CASKIN1: variants seen among roughly 807,000 people sequenced by gnomAD.
The protein encoded by CASKIN1 is CASK interacting protein 1.
Under a neutral mutation model 117.5 loss-of-function variants are expected in CASKIN1, and 42 were observed. The ratio of observed to expected loss-of-function variants is 0.36; its 90% CI spans 0.28 to 0.46. The LOEUF is 0.46. Among genes scored for constraint, CASKIN1 ranks in the 20% least tolerant of loss-of-function variants. The probability of loss-of-function intolerance (pLI) is 1.00; values close to 1 mark genes in which losing one functional copy is unlikely to be tolerated. For synonymous variants in CASKIN1, 1,148 were observed against 961.7 expected, an observed-to-expected ratio of 1.19 and a Z score of -3.59; for missense variants, 2,083 against 2,077.3, an observed-to-expected ratio of 1.00 and a Z score of -0.05.
In CASKIN1 at chr16:2,179,812, C is replaced by T. The variant is rs748133481; in HGVS notation, c.3556G>A (p.Ala1186Thr). ...GGTGGAGGCAGCTCCGGAGGCCCAG[C>T]CTGCTCCGAGGCCGGTCGGCGGCGC... ...TVRRRPASEQ[A>T]GPPELPPPPP... Residue 1186 changes from alanine (A) to threonine (T), a missense_variant, in exon 18 of 20, where the codon GCT (alanine) becomes ACT (threonine). Physicochemically the swap from Ala to Thr is moderately conservative, Grantham distance 58. Around this residue, in one of 3 missense-constraint regions of CASKIN1, gnomAD observed 1,818 missense variants for 1,688.9 expected, o/e 1.08. Transcript: ENST00000343516. The surrounding 1 kb of genome is among the most constrained non-coding windows in gnomAD (Gnocchi z 5.8). 1.3e-6 allele frequency: 2 copies of T among 1,584,992 alleles called. No homozygotes were observed. The highest frequency in any genetic ancestry group is 8.6e-7 in the Non-Finnish European group (1 of 1,168,516).
At chr16:2,190,616 G>A (rs1201113453) in intron 1 of CASKIN1, among the ~76,000 whole-genome samples, 2 of 152,196 alleles carry the variant, frequency 1.3e-5, no homozygotes, top group African/African-American at 2.4e-5. Context: ...CTCCGGCCTG[G>A]AGTCCTTGTC....
chr16:2,177,288 G>A lies in CASKIN1; in HGVS notation c.*1262C>T, dbSNP rs575632771. On this transcript the variant is annotated 3_prime_UTR_variant, in exon 20 of 20. Transcript: ENST00000343516. ...CGCCCTCTGAGGAGAGGCCTGGGGG[G>A]ACAGCTGGGCACGTCCACTCGCAGG... 188 of 236,648 alleles carry A rather than the reference G, an allele frequency of 7.9e-4. 2 individuals are homozygous for A. The Admixed American group carries it at 9.7e-3, about 12-fold the overall frequency. The allele number at this position is 236,648 out of a possible 1,614,324, so 14.7% of individuals were successfully genotyped here. A position where few individuals can be genotyped will look rare whatever the true frequency, so the allele number is the denominator to read the frequency against.
intron 1 of CASKIN1, among the ~76,000 whole-genome samples, chr16:2,193,237 G>C (rs1198580270): frequency 6.6e-6 from 1 of 152,104 alleles, no homozygotes; most frequent in East Asian, 1.9e-4. Context: ...GGCTGGTCTC[G>C]AACTCCCGAC....
intron 1 of CASKIN1, among the ~76,000 whole-genome samples, chr16:2,194,218 CT>C (rs1487627642): frequency 1.3e-5 from 2 of 152,120 alleles, no homozygotes; most frequent in Non-Finnish European, 2.9e-5. Flanking sequence ...ATTCTTGGGC[CT>C]GCCTCCATGG....
intron 1 of CASKIN1, among the ~76,000 whole-genome samples, chr16:2,194,917 G>A (rs918465172): frequency 6.6e-6 from 1 of 152,230 alleles, no homozygotes; most frequent in Non-Finnish European, 1.5e-5. Context: ...GAATGCCTGG[G>A]CTGCAAGTGC....
chr16:2,178,803 G>A (rs1181030719), intron 19 of CASKIN1, 99 bp downstream of exon 19: 4 of 1,192,960 alleles, frequency 3.4e-6, no homozygotes, highest in Non-Finnish European at 4.2e-6. Context: ...TCTCTGCCGA[G>A]CCCCGCCCAT....
rs114147712 is a variant in CASKIN1, at chr16:2,191,722, A to G, written c.95-1364T>C. Among the ~76,000 whole-genome samples the G allele has an allele frequency of 5.3e-3, 805 of 152,316 alleles. 9 individuals carry two copies. Among genetic ancestry groups the G allele is most frequent in the African/African-American group, 0.018 (768 of 41,552 alleles). Reference sequence around the variant, plus strand: ...CCAGTGTCCCTCTTGGTTAGTGGCAATGCCATCCTTCCTGACCATGGCCCA... The same window carrying G: ...CCAGTGTCCCTCTTGGTTAGTGGCAGTGCCATCCTTCCTGACCATGGCCCA... On this transcript the variant is annotated intron_variant, in intron 1 of 19. Transcript: ENST00000343516.
chr16:2,180,137 G>A lies in CASKIN1; in HGVS notation c.3231C>T (p.Ala1077=). Residue 1077 remains alanine, a synonymous_variant, in exon 18 of 20, where the codon GCC becomes GCT. Coordinates refer to ENST00000343516, the MANE Select transcript of CASKIN1 (RefSeq NM_020764.4). ...SGPVTGLLAT[A]RRGPGESADP... ...CTGCCGACTCCCCAGGCCCCCGGCG[G>A]GCAGTGGCCAGAAGTCCGGTGACTG... The A allele has an allele frequency of 6.4e-7, 1 of 1,555,346 alleles. No individual in the cohort carries two copies.
rs2093165282 is a variant in CASKIN1, at chr16:2,180,853, G to A, written c.2515C>T (p.Pro839Ser). The part of the protein sequence containing the change: ...HRGFAYVLPQ[P>S]VEGEVGPAAP... ...GCCGGCCCCACCTCGCCCTCCACGGGCTGGGGCAGCACGTAGGCAAAGCCG... is the reference window on the plus strand; with the variant it reads ...GCCGGCCCCACCTCGCCCTCCACGGACTGGGGCAGCACGTAGGCAAAGCCG... Residue 839 changes from proline (P) to serine (S), a missense_variant, in exon 18 of 20, where the codon CCC (proline) becomes TCC (serine). Coordinates refer to ENST00000343516, the MANE Select transcript of CASKIN1 (RefSeq NM_020764.4). 5.0e-6 allele frequency: 7 copies of A among 1,405,310 alleles called. No individual in the cohort carries two copies. The highest frequency in any genetic ancestry group is 6.4e-6 in the Non-Finnish European group (7 of 1,087,372). 87.1% of individuals were successfully genotyped at this position (1,405,310 alleles called of 1,614,324 possible).
chr16:2,186,777 G>A lies in CASKIN1; in HGVS notation c.978C>T (p.Asp326=). ...PDGRWKGCIH[D]NRTGNDRVGY... ...CCACCCGGTCATTGCCCGTCCGGTT[G>A]TCATGGATGCAGCCCTTCCACCGGC... is the stretch of plus-strand genomic sequence containing the variant. Residue 326 remains aspartate, a synonymous_variant, in exon 10 of 20, where the codon GAC becomes GAT. Coordinates refer to ENST00000343516, the MANE Select transcript of CASKIN1 (RefSeq NM_020764.4). 1 of 1,613,058 alleles carries A rather than the reference G, an allele frequency of 6.2e-7. No individual in the cohort carries two copies. The highest frequency in any genetic ancestry group is 8.5e-7 in the Non-Finnish European group (1 of 1,179,964).
In CASKIN1 at chr16:2,183,738, C is replaced by T. The variant is rs1314637296; in HGVS notation, c.1537G>A (p.Ala513Thr). ...ISRMTPEDLT[A>T]IGVTKPGHRK... ...TGGCCCGGCTTGGTGACACCAATGG[C>T]CGTGAGGTCCTAGGCAGTGGGGAGG... is the stretch of plus-strand genomic sequence containing the variant. The change falls in exon 16 of 20, where the codon GCC becomes ACC. Residue 513 changes from alanine to threonine, a missense_variant. Around this residue, in one of 3 missense-constraint regions of CASKIN1, gnomAD observed 1,818 missense variants for 1,688.9 expected, o/e 1.08. Coordinates refer to ENST00000343516, the MANE Select transcript of CASKIN1 (RefSeq NM_020764.4). 7.4e-6 allele frequency: 12 copies of T among 1,613,328 alleles called. No individual in the cohort carries two copies. The highest frequency in any genetic ancestry group is 1.0e-5 in the Non-Finnish European group (12 of 1,179,994).
At position 2,183,890 on chromosome 16, in the gene CASKIN1, C is replaced by T. The variant is rs542731472; in HGVS notation, c.1468G>A (p.Ala490Thr). The T allele has an allele frequency of 4.5e-5, 72 of 1,611,618 alleles. 1 individual carries two copies. Among genetic ancestry groups the T allele is most frequent in the Non-Finnish European group, 5.6e-5 (66 of 1,179,596 alleles). ...WLTAFQLQLY[A>T]PNFISAGYDL... ...TAGCCGGCGCTGATGAAGTTGGGGG[C>T]GTAGAGCTGCAGCTGGAACGCGGTG... is the stretch of plus-strand genomic sequence containing the variant. The change falls in exon 15 of 20, where the codon GCC becomes ACC. Residue 490 changes from alanine (A) to threonine (T), a missense_variant. This residue lies in a region of CASKIN1 where 1,818 missense variants were observed against 1,688.9 expected (regional missense o/e 1.08). Coordinates refer to ENST00000343516, the MANE Select transcript of CASKIN1 (RefSeq NM_020764.4).
chr16:2,185,393 GTGCCTGCTCGGGAACC>G lies in CASKIN1; in HGVS notation c.1049-1_1063del. 1 of 1,608,184 alleles carries G rather than the reference GTGCCTGCTCGGGAACC, an allele frequency of 6.2e-7. No individual in the cohort carries two copies. Among genetic ancestry groups the G allele is most frequent in the Non-Finnish European group, 8.5e-7 (1 of 1,176,744 alleles). On this transcript the variant is annotated splice_acceptor_variant and coding_sequence_variant, in exon 11 of 20. Coordinates refer to ENST00000343516, the MANE Select transcript of CASKIN1 (RefSeq NM_020764.4). LOFTEE classifies it high-confidence loss of function. The stretch of plus-strand genomic sequence containing the variant: ...GCTTCCCTGGGGCAGGCTTGGTTCA[GTGCCTGCTCGGGAACC>G]TGTGGGTCAAGCAAAGCCTCCTAAG...
At position 2,196,481 on chromosome 16, in the gene CASKIN1, G is replaced by T. The variant is rs964150188; in HGVS notation, c.-49C>A. The T allele has an allele frequency of 1.0e-6, 1 of 958,032 alleles. No individual in the cohort carries two copies. Among genetic ancestry groups the T allele is most frequent in the Non-Finnish European group, 1.3e-6 (1 of 787,768 alleles). 59.3% of individuals were successfully genotyped at this position (958,032 alleles called of 1,614,324 possible). A position where few individuals can be genotyped will look rare whatever the true frequency, so the allele number is the denominator to read the frequency against. ...GCGGCTGCGCTCGTGAGCTCGGCGC[G>T]GCTCAGAGGCGGCGGCGGCCCCGCG... On this transcript the variant is annotated 5_prime_UTR_variant, in exon 1 of 20. Coordinates refer to ENST00000343516, the MANE Select transcript of CASKIN1 (RefSeq NM_020764.4). The surrounding 1 kb of genome is among the most constrained non-coding windows in gnomAD (Gnocchi z 5.7).
Position 2,184,871 on chromosome 16 carries a change from G to T in CASKIN1, c.1325-3C>A. On this transcript the variant is annotated splice_polypyrimidine_tract_variant and splice_region_variant and intron_variant, in intron 13 of 19. Transcript: ENST00000343516. ...TGGAGGCTGGGACCGGGCCACACCTGAGGACGAGAGTGGGTGGGGGACAAG... is the reference window on the plus strand; with the variant it reads ...TGGAGGCTGGGACCGGGCCACACCTTAGGACGAGAGTGGGTGGGGGACAAG... 1 of 1,573,566 alleles carries T rather than the reference G, an allele frequency of 6.4e-7. No homozygotes were observed.
At chr16:2,188,221 C>G (rs186469663) in intron 6 of CASKIN1, among the ~76,000 whole-genome samples, 69 of 151,778 alleles carry the variant, frequency 4.5e-4, no homozygotes, top group African/African-American at 1.6e-3. Context: ...GGGTCTCTCT[C>G]TGTCACCCAG....
chr16:2,182,655 T>G lies in CASKIN1; in HGVS notation c.1630-726A>C, dbSNP rs2093171643. Among the ~76,000 whole-genome samples the G allele has an allele frequency of 6.6e-6, 1 of 152,186 alleles. No individual in the cohort carries two copies. The highest frequency in any genetic ancestry group is 1.5e-5 in the Non-Finnish European group (1 of 68,024). ...GTGCAGACCCACGCGCCAGGTGGCT[T>G]TTGACAGCCACCGATCGCCTCTCCC... On this transcript the variant is annotated intron_variant, in intron 16 of 19. Transcript: ENST00000343516. The surrounding 1 kb of genome is among the most constrained non-coding windows in gnomAD (Gnocchi z 4.1).
intron 6 of CASKIN1, among the ~76,000 whole-genome samples, chr16:2,188,568 C>G (rs1370391400): frequency 1.3e-5 from 2 of 152,098 alleles, no homozygotes; most frequent in African/African-American, 4.8e-5. Context: ...CCAGGCTGGT[C>G]TCGAACTCCT....
In CASKIN1 at chr16:2,185,405, G is replaced by T. The variant is rs749683268; in HGVS notation, c.1052C>A (p.Ser351Tyr). 5.0e-6 allele frequency: 8 copies of T among 1,602,582 alleles called. No individual in the cohort carries two copies. The Admixed American group carries it at 1.4e-4, about 27-fold the overall frequency. The change falls in exon 11 of 20, where the codon TCC becomes TAC. Residue 351 changes from serine (S) to tyrosine (Y), a missense_variant. Coordinates refer to ENST00000343516, the MANE Select transcript of CASKIN1 (RefSeq NM_020764.4). ...CAGGCTTGGTTCAGTGCCTGCTCGG[G>T]AACCTGTGGGTCAAGCAAAGCCTCC... ...LGEAIVKRAG[S>Y]RAGTEPSLPQ...
Sources: allele counts gnomAD v4.1 joint callset (sites outside exome capture counted in the v4.1 genomes callset), GRCh38; gene constraint gnomAD v4.1.1; regional missense constraint gnomAD v4.1.1; non-coding constraint Gnocchi (gnomAD v3.1); transcripts MANE v1.5; gene names NCBI Gene and HGNC (gene_info 2026-07-23, HGNC 2026-07-21).